Variants in CNTN5 observed in about 807,000 individuals in gnomAD.
CNTN5 encodes the protein contactin 5.
CNTN5 carries 77 observed loss-of-function variants against 129.1 expected under a neutral mutation model. The ratio of observed to expected loss-of-function variants is 0.60; its 90% confidence interval spans 0.50 to 0.72. CNTN5 has a LOEUF of 0.72. CNTN5 is among the 30% of genes least tolerant of loss of function. The pLI is 0.00. For missense variants in CNTN5, 1,478 were observed against 1,328.8 expected (o/e 1.11, Z -1.75); for synonymous variants, 509 against 465.6 (o/e 1.09, Z -1.20).
intron 6 of CNTN5, among the ~76,000 whole-genome samples, chr11:99,874,647 TC>T (rs1555143338): frequency 6.6e-6 from 1 of 152,194 alleles, no homozygotes; most frequent in Non-Finnish European, 1.5e-5. Flanking sequence ...ATCTTCGTAA[TC>T]TGCTATTAAA....
intron 17 of CNTN5, among the ~76,000 whole-genome samples, chr11:100,260,730 T>C (rs1260528171): frequency 2.0e-5 from 3 of 152,174 alleles, no homozygotes; most frequent in Non-Finnish European, 4.4e-5. Flanking sequence ...AAAAGGAGTT[T>C]AATAAAATTC....
At position 100,129,221 on chromosome 11, in the gene CNTN5, T is replaced by TTAAACTG. The variant is rs1218773288; in HGVS notation, c.1580+54927_1580+54928insTAAACTG. ...AATGAGAAAATACATTTATATAGCGTGCGTTATGCCAGTTTAAGGTATATT... is the reference window on the plus strand; with the variant it reads ...AATGAGAAAATACATTTATATAGCGTTAAACTGGCGTTATGCCAGTTTAAGGTATATT... On this transcript the variant is annotated intron_variant, in intron 13 of 24. Transcript: ENST00000524871. 1.3e-3 allele frequency among the ~76,000 whole-genome samples: 191 copies of TTAAACTG among 152,246 alleles called. 3 individuals carry two copies. In the South Asian group the frequency reaches 0.037, roughly 29 times the overall value.
chr11:99,460,860 A>G (rs1290607517), intron 2 of CNTN5, among the ~76,000 whole-genome samples: 1 of 151,970 alleles, frequency 6.6e-6, no homozygotes, highest in Non-Finnish European at 1.5e-5. Context: ...CTCCCAAACG[A>G]TCCATCCATT....
chr11:100,053,155 A>G (rs989353109), intron 9 of CNTN5, among the ~76,000 whole-genome samples: 3 of 151,730 alleles, frequency 2.0e-5, no homozygotes, highest in Admixed American at 6.6e-5. Context: ...CTACAAATAC[A>G]TAGAACAATA....
intron 13 of CNTN5, among the ~76,000 whole-genome samples, chr11:100,092,465 G>C (rs879762971): frequency 2.2e-4 from 34 of 152,026 alleles, no homozygotes; most frequent in Non-Finnish European, 4.3e-4. Flanking sequence ...CCTTTCCACT[G>C]CCCAGACTTT....
At chr11:99,647,568 A>G (rs569413579) in intron 3 of CNTN5, among the ~76,000 whole-genome samples, 34 of 151,940 alleles carry the variant, frequency 2.2e-4, no homozygotes, top group Non-Finnish European at 4.6e-4. Flanking sequence ...CTATTTTTGT[A>G]TAGAATATCA....
chr11:99,306,478 GC>G (rs1257547479), intron 1 of CNTN5, among the ~76,000 whole-genome samples: 1 of 152,016 alleles, frequency 6.6e-6, no homozygotes, highest in East Asian at 1.9e-4. Flanking sequence ...CTACCATAGT[GC>G]CCAATAACTT....
Position 99,128,404 on chromosome 11 carries a change from C to A in CNTN5, c.-210+107134C>A, listed in dbSNP as rs575861490. Among the ~76,000 whole-genome samples the A allele has an allele frequency of 5.3e-5, 8 of 152,320 alleles. No homozygotes were observed. In the East Asian group the frequency reaches 1.5e-3, roughly 29 times the overall value. ...GCCAGACTGCTTCTTTAGGTGGGACCCAGATTCATCCCTTCTCACTGGGCA... is the reference window on the plus strand; with the variant it reads ...GCCAGACTGCTTCTTTAGGTGGGACACAGATTCATCCCTTCTCACTGGGCA... On this transcript the variant is annotated intron_variant, in intron 1 of 24. Coordinates refer to ENST00000524871, the MANE Select transcript of CNTN5 (RefSeq NM_014361.4).
intron 2 of CNTN5, among the ~76,000 whole-genome samples, chr11:99,484,038 A>T (rs1261153175): frequency 6.6e-6 from 1 of 152,186 alleles, no homozygotes; most frequent in Non-Finnish European, 1.5e-5. Flanking sequence ...AGGCAACAAA[A>T]GCAAAAATAA....
intron 1 of CNTN5, among the ~76,000 whole-genome samples, chr11:99,230,544 A>AC (rs1860938255): frequency 6.6e-6 from 1 of 152,202 alleles, no homozygotes; most frequent in Non-Finnish European, 1.5e-5. Context: ...CACCTCAGTG[A>AC]CCATACATAA....
intron 13 of CNTN5, among the ~76,000 whole-genome samples, chr11:100,156,306 A>ATTGAT (rs1465427598): frequency 2.0e-5 from 3 of 152,104 alleles, no homozygotes; most frequent in Non-Finnish European, 4.4e-5. Flanking sequence ...GATTACGTTT[A>ATTGAT]TTGATTTGCA....
At chr11:100,008,060 A>G (rs1776202947) in intron 9 of CNTN5, among the ~76,000 whole-genome samples, 1 of 152,090 alleles carries the variant, frequency 6.6e-6, no homozygotes, top group South Asian at 2.1e-4. Context: ...GTCAGAACAC[A>G]TACATTTATT....
Position 99,775,368 on chromosome 11 carries a change from G to C in CNTN5, c.56-44176G>C, listed in dbSNP as rs748097514. On this transcript the variant is annotated intron_variant, in intron 3 of 24. Coordinates refer to ENST00000524871, the MANE Select transcript of CNTN5 (RefSeq NM_014361.4). ...GCAGATTTCCTGGGGATAAATGGTT[G>C]GACTGATTAAATATCTGTTCATGAC... Among the ~76,000 whole-genome samples, 62 of 151,794 alleles carry C rather than the reference G, an allele frequency of 4.1e-4. 1 individual carries two copies. The highest frequency in any genetic ancestry group is 1.6e-3 in the Admixed American group (25 of 15,192).
At chr11:100,331,603 A>G (rs575186703) in intron 21 of CNTN5, among the ~76,000 whole-genome samples, 1 of 152,140 alleles carries the variant, frequency 6.6e-6, no homozygotes, top group East Asian at 1.9e-4. Flanking sequence ...AGTCTCAGTA[A>G]ATTTAAGAAA....
At chr11:99,519,324 CTCT>C in intron 2 of CNTN5, among the ~76,000 whole-genome samples, 1 of 152,126 alleles carries the variant, frequency 6.6e-6, no homozygotes, top group East Asian at 1.9e-4. Context: ...TTATGCAATA[CTCT>C]TCTTCTTAAC....
chr11:99,448,300 G>T (rs1406388738), intron 2 of CNTN5, among the ~76,000 whole-genome samples: 1 of 152,072 alleles, frequency 6.6e-6, no homozygotes, highest in Non-Finnish European at 1.5e-5. Context: ...CTACAGAAAA[G>T]CAGAAATTTG....
chr11:99,128,832 G>C (rs1858782237), intron 1 of CNTN5, among the ~76,000 whole-genome samples: 1 of 152,104 alleles, frequency 6.6e-6, no homozygotes, highest in Non-Finnish European at 1.5e-5. Context: ...ACAGGATCTG[G>C]AGTAGACCCC....
chr11:99,706,566 C>G (rs1470462285), intron 3 of CNTN5, among the ~76,000 whole-genome samples: 1 of 151,488 alleles, frequency 6.6e-6, no homozygotes, highest in Non-Finnish European at 1.5e-5. Flanking sequence ...CCAATTCCCT[C>G]TCATTAATTA....
At chr11:100,307,242 A>C (rs985904049) in intron 20 of CNTN5, among the ~76,000 whole-genome samples, 10 of 151,670 alleles carry the variant, frequency 6.6e-5, no homozygotes, top group African/African-American at 2.4e-4. Context: ...AAATTGAAAA[A>C]AAAAATTCAT....
Sources: allele counts gnomAD v4.1 joint callset (sites outside exome capture counted in the v4.1 genomes callset), GRCh38; gene constraint gnomAD v4.1.1; transcripts MANE v1.5; gene names NCBI Gene and HGNC (gene_info 2026-07-23, HGNC 2026-07-21).